The following SNTG1 variants were observed in gnomAD, a reference collection of about 807,000 sequenced individuals.
SNTG1 encodes the protein gamma-1-syntrophin.
In SNTG1, 39 loss-of-function variants were observed where a neutral mutation model predicts 74.7. That is an observed-to-expected ratio of 0.52 (90% CI 0.40 to 0.68). The LOEUF (loss-of-function observed/expected upper bound fraction) is 0.68. Among genes scored for constraint, SNTG1 ranks in the 30% least tolerant of loss-of-function variants. The probability of loss-of-function intolerance (pLI) is 0.00; values close to 1 mark genes in which losing one functional copy is unlikely to be tolerated. For missense variants in SNTG1, 685 were observed against 609.5 expected (o/e 1.12, Z -1.30); for synonymous variants, 254 against 217.1 (o/e 1.17, Z -1.49).
intron 17 of SNTG1, among the ~76,000 whole-genome samples, chr8:50,722,337 G>C (rs984333368): frequency 1.3e-5 from 2 of 151,782 alleles, no homozygotes; most frequent in African/African-American, 4.8e-5. Flanking sequence ...ACCACTCCCA[G>C]CTAATTTTTG....
intron 12 of SNTG1, among the ~76,000 whole-genome samples, chr8:50,565,340 G>A (rs1189924776): frequency 6.6e-6 from 1 of 151,902 alleles, no homozygotes; most frequent in Non-Finnish European, 1.5e-5. Flanking sequence ...TAATATTAGT[G>A]TATTCATATC....
chr8:50,101,715 C>A (rs1415403176), intron 1 of SNTG1, among the ~76,000 whole-genome samples: 2 of 151,936 alleles, frequency 1.3e-5, no homozygotes, highest in East Asian at 1.9e-4. Flanking sequence ...CCCCTCCTCC[C>A]ACCCCACAAC....
intron 1 of SNTG1, among the ~76,000 whole-genome samples, chr8:50,164,759 T>C (rs577988928): frequency 6.6e-6 from 1 of 152,346 alleles, no homozygotes; most frequent in East Asian, 1.9e-4. Context: ...ATGTTAACAG[T>C]TGGGAAACTC....
At chr8:50,156,624 T>A (rs1405701697) in intron 1 of SNTG1, among the ~76,000 whole-genome samples, 1 of 152,076 alleles carries the variant, frequency 6.6e-6, no homozygotes, top group Non-Finnish European at 1.5e-5. Context: ...TATTTCCTAG[T>A]TGTGCCCATG....
intron 2 of SNTG1, among the ~76,000 whole-genome samples, chr8:50,321,190 A>G (rs2090515448): frequency 6.6e-6 from 1 of 152,082 alleles, no homozygotes; most frequent in South Asian, 2.1e-4. Context: ...CTCTAATAAT[A>G]TTTGCTATAT....
intron 15 of SNTG1, among the ~76,000 whole-genome samples, chr8:50,671,480 A>T (rs576286967): frequency 6.6e-6 from 1 of 152,214 alleles, no homozygotes; most frequent in South Asian, 2.1e-4. Context: ...AATGCAAATC[A>T]AAACCACAGT....
chr8:50,752,793 A>G (rs1419401781), intron 18 of SNTG1, among the ~76,000 whole-genome samples: 3 of 151,976 alleles, frequency 2.0e-5, no homozygotes, highest in African/African-American at 7.2e-5. Flanking sequence ...TATTTTTGGC[A>G]AAGTATCCTG....
chr8:50,055,105 C>A (rs1819914815), intron 1 of SNTG1, among the ~76,000 whole-genome samples: 2 of 152,108 alleles, frequency 1.3e-5, no homozygotes, highest in African/African-American at 4.8e-5. Context: ...CAGACTCACT[C>A]TTTCCCACAC....
intron 17 of SNTG1, among the ~76,000 whole-genome samples, chr8:50,712,759 G>T (rs942518103): frequency 1.3e-5 from 2 of 151,938 alleles, no homozygotes; most frequent in Admixed American, 1.3e-4. Flanking sequence ...GTGTTGTTTG[G>T]TTTTCTGTTC....
At chr8:50,035,947 A>T (rs1170128828) in intron 1 of SNTG1, among the ~76,000 whole-genome samples, 1 of 152,042 alleles carries the variant, frequency 6.6e-6, no homozygotes, top group East Asian at 1.9e-4. Context: ...GTTTGGGTTC[A>T]TTTCTCAGAT....
chr8:49,976,959 T>C (rs1812249341), intron 1 of SNTG1, among the ~76,000 whole-genome samples: 1 of 152,140 alleles, frequency 6.6e-6, no homozygotes, highest in African/African-American at 2.4e-5. Context: ...TCAGTGACCA[T>C]GGGCAGAGGC....
intron 1 of SNTG1, among the ~76,000 whole-genome samples, chr8:50,053,749 C>A (rs1757430997): frequency 6.6e-6 from 1 of 151,070 alleles, no homozygotes; most frequent in Admixed American, 6.6e-5. Context: ...TTCAATGACT[C>A]CTCTGTCACC....
chr8:50,522,277 T>C (rs965268737), intron 9 of SNTG1, among the ~76,000 whole-genome samples: 1 of 152,080 alleles, frequency 6.6e-6, no homozygotes, highest in African/African-American at 2.4e-5. Context: ...GCAGTGATTA[T>C]TGGAAAGGAA....
chr8:50,573,943 AC>A (rs1419380882), intron 12 of SNTG1, among the ~76,000 whole-genome samples: 2 of 152,020 alleles, frequency 1.3e-5, no homozygotes, highest in African/African-American at 4.8e-5. Context: ...GAATCAAATA[AC>A]AAGAATAACT....
chr8:49,972,705 G>T lies in SNTG1; in HGVS notation c.-103+60474G>T, dbSNP rs540323383. Among the ~76,000 whole-genome samples the T allele has an allele frequency of 1.1e-4, 16 of 152,086 alleles. No individual in the cohort carries two copies. The South Asian group carries it at 2.9e-3, about 28-fold the overall frequency. On this transcript the variant is annotated intron_variant, in intron 1 of 18. Coordinates refer to ENST00000642720, the MANE Select transcript of SNTG1 (RefSeq NM_018967.5). ...CAACCCCATCAACAAGTGGGTGAAG[G>T]GTATGAACAGACACTTCTCAAAAGA...
intron 1 of SNTG1, among the ~76,000 whole-genome samples, chr8:50,018,545 A>G (rs1386789037): frequency 6.6e-6 from 1 of 152,006 alleles, no homozygotes; most frequent in Non-Finnish European, 1.5e-5. Context: ...AGAAAAAGAC[A>G]TAAGAGTAAA....
chr8:49,980,560 G>A (rs1284987906), intron 1 of SNTG1, among the ~76,000 whole-genome samples: 3 of 128,640 alleles, frequency 2.3e-5, no homozygotes, highest in African/African-American at 9.6e-5. Flanking sequence ...AATTATGTTT[G>A]CCTCATGAGC....
Position 50,617,378 on chromosome 8 carries a change from TCACACACACACA to T in SNTG1, c.849+26486_849+26497del, listed in dbSNP as rs3999830. On this transcript the variant is annotated intron_variant, in intron 13 of 18. Transcript: ENST00000642720. ...CACCAATTAAGATCAAGTAAGCATT[TCACACACACACA>T]CACACACACACACACACACACACAT... Among the ~76,000 whole-genome samples the T allele has an allele frequency of 1.6e-3, 237 of 147,046 alleles. 1 individual carries two copies. The highest frequency in any genetic ancestry group is 5.6e-3 in the African/African-American group (227 of 40,256).
intron 15 of SNTG1, among the ~76,000 whole-genome samples, chr8:50,684,000 G>A (rs1408293328): frequency 6.6e-6 from 1 of 152,156 alleles, no homozygotes; most frequent in Non-Finnish European, 1.5e-5. Context: ...AAGGAAGACT[G>A]GAACATTGAA....
Sources: allele counts gnomAD v4.1 joint callset (sites outside exome capture counted in the v4.1 genomes callset), GRCh38; gene constraint gnomAD v4.1.1; transcripts MANE v1.5; gene names NCBI Gene and HGNC (gene_info 2026-07-23, HGNC 2026-07-21).